The following MYO19 variants were observed in gnomAD, a reference collection of about 807,000 sequenced individuals.
MYO19 encodes myosin XIX, also known as unconventional myosin-XIX.
In MYO19, 132 loss-of-function variants were observed where a neutral mutation model predicts 129.2. That is an observed-to-expected ratio of 1.02 (90% CI 0.89 to 1.18). MYO19 has a LOEUF of 1.18. Ranked by LOEUF, MYO19 falls within the 50% of genes most tolerant of loss-of-function variation. The pLI is 0.00. For synonymous variants in MYO19, 531 were observed against 477.2 expected (o/e 1.11, Z -1.47); for missense variants, 1,210 against 1,216.7 (o/e 0.99, Z 0.08).
intron 6 of MYO19, among the ~76,000 whole-genome samples, chr17:36,520,416 T>C (rs1408511533): frequency 1.3e-5 from 2 of 152,230 alleles, no homozygotes; most frequent in Non-Finnish European, 2.9e-5. Flanking sequence ...TTTGTAAAAA[T>C]ATTACTTTTG....
At chr17:36,530,386 G>A (rs1190828489) in intron 3 of MYO19, among the ~76,000 whole-genome samples, 4 of 150,812 alleles carry the variant, frequency 2.7e-5, no homozygotes, top group East Asian at 3.9e-4. Flanking sequence ...AAAAACACAC[G>A]AAGGATTTAG....
chr17:36,523,675 C>G (rs1202845290), intron 6 of MYO19, among the ~76,000 whole-genome samples: 1 of 152,028 alleles, frequency 6.6e-6, no homozygotes, highest in Non-Finnish European at 1.5e-5. Flanking sequence ...GTAAATACTG[C>G]TTATTAACTT....
intron 11 of MYO19, 44 bp from the exon 12 acceptor site, chr17:36,511,499 C>G: frequency 6.5e-7 from 1 of 1,526,902 alleles, no homozygotes; most frequent in Middle Eastern, 1.7e-4. Context: ...GAGGGCGTGA[C>G]GTGGGCCTAC....
chr17:36,544,412 C>G (rs543972711), upstream of MYO19, among the ~76,000 whole-genome samples: 1 of 152,294 alleles, frequency 6.6e-6, no homozygotes, highest in Admixed American at 6.5e-5. Flanking sequence ...GGGCCAAGAG[C>G]CAGACCTGAG....
intron 4 of MYO19, 100 bp from the exon 5 acceptor site, chr17:36,527,799 G>C: frequency 2.3e-6 from 3 of 1,305,130 alleles, no homozygotes; most frequent in East Asian, 4.9e-5. Context: ...TCTGCAATTA[G>C]CCAAGAATCA....
At chr17:36,512,597 C>G in intron 11 of MYO19, 1 of 1,277,176 alleles carries the variant, frequency 7.8e-7, no homozygotes, top group Admixed American at 2.3e-5. Context: ...GCCCCGACTC[C>G]CAGTGTTGTC....
chr17:36,507,094 G>A lies in MYO19; in HGVS notation c.1513C>T (p.Arg505Cys), dbSNP rs957612511. 9.9e-6 allele frequency: 16 copies of A among 1,612,722 alleles called. No individual in the cohort carries two copies. The highest frequency in any genetic ancestry group is 3.3e-5 in the Admixed American group (2 of 59,984). Residue 505 changes from arginine to cysteine, a missense_variant, in exon 17 of 26, where the codon CGC becomes TGC. By Grantham distance (180) the Arg-to-Cys change is radical. Coordinates refer to ENST00000614623, the MANE Select transcript of MYO19 (RefSeq NM_001163735.2). Reference sequence around the variant, plus strand: ...CTGCCTGCCAGGGCAGTCTCAATGCGTGTCTGGAGCTGGGCTGCGCTGCTG... The same window carrying A: ...CTGCCTGCCAGGGCAGTCTCAATGCATGTCTGGAGCTGGGCTGCGCTGCTG... ...RPSSAAQLQT[R>C]IETALAGSPC...
intron 6 of MYO19, among the ~76,000 whole-genome samples, chr17:36,519,194 T>C (rs1421298925): frequency 6.6e-6 from 1 of 152,154 alleles, no homozygotes; most frequent in Non-Finnish European, 1.5e-5. Context: ...GGCCTCAAAA[T>C]GTAGTTTTGA....
intron 19 of MYO19, chr17:36,504,950 G>A: frequency 3.2e-6 from 1 of 317,318 alleles, no homozygotes; most frequent in Non-Finnish European, 6.1e-6. Context: ...GATACCTCCA[G>A]TGAGAAATGG....
rs1599461997 is a variant in MYO19 at position 36,534,744 on chromosome 17, T to G, written c.-296+17A>C. ...GCGTCTGAAGGGCTTCAGATATAGGTTCGGGTTGACACTCACCGGTCCCAC... is the reference window on the plus strand; with the variant it reads ...GCGTCTGAAGGGCTTCAGATATAGGGTCGGGTTGACACTCACCGGTCCCAC... On this transcript the variant is annotated intron_variant, in intron 1 of 25. Transcript: ENST00000614623. The G allele has an allele frequency of 6.6e-6, 1 of 152,170 alleles. No individual in the cohort carries two copies. The highest frequency in any genetic ancestry group is 1.9e-4 in the East Asian group (1 of 5,162). 9.4% of individuals were successfully genotyped at this position (152,170 alleles called of 1,614,324 possible). A position where few individuals can be genotyped will look rare whatever the true frequency, so the allele number is the denominator to read the frequency against.
At chr17:36,522,292 G>A (rs930222121) in intron 6 of MYO19, among the ~76,000 whole-genome samples, 15 of 150,536 alleles carry the variant, frequency 1.0e-4, no homozygotes, top group African/African-American at 2.2e-4. Context: ...GGTGGATCAC[G>A]AAGTCAGGAG....
In MYO19 at chr17:36,496,008, T is replaced by C; in HGVS notation, c.*243A>G. 2 of 776,712 alleles carry C rather than the reference T, an allele frequency of 2.6e-6. No homozygotes were observed. Among genetic ancestry groups the C allele is most frequent in the South Asian group, 3.2e-5 (1 of 31,472 alleles). The allele number at this position is 776,712 out of a possible 1,614,324, so 48.1% of individuals were successfully genotyped here. A position where few individuals can be genotyped will look rare whatever the true frequency, so the allele number is the denominator to read the frequency against. ...CTGTGAAGGTAGTGAAATGTGGCCC[T>C]GATGTTTCTTAACCCTGATTTGGTA... On this transcript the variant is annotated 3_prime_UTR_variant, in exon 26 of 26. Coordinates refer to ENST00000614623, the MANE Select transcript of MYO19 (RefSeq NM_001163735.2).
intron 18 of MYO19, 129 bp from the exon 19 acceptor site, chr17:36,505,533 T>C (rs570411544): frequency 2.3e-5 from 15 of 647,558 alleles, no homozygotes; most frequent in Non-Finnish European, 4.1e-5. Context: ...AAGAATCTCC[T>C]GTGCAGGGAT....
At chr17:36,513,208 T>C (rs2072487697) in intron 11 of MYO19, 2 of 1,440,724 alleles carry the variant, frequency 1.4e-6, no homozygotes, top group Non-Finnish European at 1.8e-6. Flanking sequence ...TTCTGTACTC[T>C]AGCACTGTGT....
At chr17:36,518,574 A>G (rs1384730065) in intron 6 of MYO19, among the ~76,000 whole-genome samples, 2 of 136,412 alleles carry the variant, frequency 1.5e-5, no homozygotes, top group African/African-American at 5.5e-5. Flanking sequence ...ATATATATGT[A>G]TATACATAAA....
chr17:36,510,839 C>T lies in MYO19; in HGVS notation c.1064G>A (p.Arg355Lys), dbSNP rs1329358700. ...LLEMVQIRTI[R>K]AGRQQQVFRK... ...GAACACCTGCTGCTGTCTGCCTGCC[C>T]TGATGGTTCTAATCTGCACCATCTC... Residue 355 changes from arginine to lysine, a missense_variant, in exon 13 of 26, where the codon AGG (arginine) becomes AAG (lysine). Physicochemically the swap from Arg to Lys is conservative, Grantham distance 26. Coordinates refer to ENST00000614623, the MANE Select transcript of MYO19 (RefSeq NM_001163735.2). 1 of 1,581,450 alleles carries T rather than the reference C, an allele frequency of 6.3e-7. No individual in the cohort carries two copies. Among genetic ancestry groups the T allele is most frequent in the Middle Eastern group, 1.7e-4 (1 of 6,028 alleles).
chr17:36,513,015 TG>T, intron 11 of MYO19: 2 of 959,692 alleles, frequency 2.1e-6, no homozygotes, highest in Non-Finnish European at 2.7e-6. Context: ...TTTACCTCTC[TG>T]GTTTTCTCAG....
chr17:36,500,068 G>C (rs1218740998), intron 23 of MYO19: 1 of 151,880 alleles, frequency 6.6e-6, no homozygotes. Flanking sequence ...CATGTTGCCC[G>C]GCTGGTATGA....
At chr17:36,540,874 A>G (rs549784621) in intron 2 of MYO19, among the ~76,000 whole-genome samples, 3 of 152,218 alleles carry the variant, frequency 2.0e-5, no homozygotes, top group South Asian at 2.1e-4. Flanking sequence ...TTTCCTTGCA[A>G]CTATCAATTT....
Sources: gnomAD v4.1 joint callset for allele counts (sites outside exome capture counted in the v4.1 genomes callset) on GRCh38, gnomAD v4.1.1 for gene constraint, MANE v1.5 for transcripts, NCBI Gene and HGNC (gene_info 2026-07-23, HGNC 2026-07-21) for gene names.